The following ZNF680 variants were observed in gnomAD, a reference collection of about 807,000 sequenced individuals.
The protein encoded by ZNF680 is hypothetical protein FLJ90430.
In ZNF680, 6 loss-of-function variants were observed where a neutral mutation model predicts 12.1. That is an observed-to-expected ratio of 0.49 (90% CI 0.27 to 0.98). The LOEUF is 0.98. ZNF680 is among the 50% of genes least tolerant of loss of function. The pLI, the probability that ZNF680 is intolerant of heterozygous loss-of-function variation, is 0.12. For synonymous variants in ZNF680, 170 were observed against 199.3 expected, an observed-to-expected ratio of 0.85 and a Z score of 1.24; for missense variants, 561 against 616.3, an observed-to-expected ratio of 0.91 and a Z score of 0.95.
intron 1 of ZNF680, among the ~76,000 whole-genome samples, chr7:64,562,322 A>G (rs1398959128): frequency 6.6e-6 from 1 of 152,198 alleles, no homozygotes; most frequent in Non-Finnish European, 1.5e-5. Flanking sequence ...AACCAACTAT[A>G]AACTGCCAAG....
chr7:64,543,563 G>T, intron 3 of ZNF680, 144 bp downstream of exon 3: 1 of 638,146 alleles, frequency 1.6e-6, no homozygotes, highest in Non-Finnish European at 2.7e-6. Context: ...CTATGTGAGA[G>T]CAAGAGAAAA....
chr7:64,517,571 G>A (rs1044805023), downstream of ZNF680, among the ~76,000 whole-genome samples: 3 of 152,054 alleles, frequency 2.0e-5, no homozygotes, highest in African/African-American at 7.2e-5. Flanking sequence ...GACACGGTAA[G>A]AGGGAACCTC....
intron 3 of ZNF680, among the ~76,000 whole-genome samples, chr7:64,530,572 C>G (rs1785806997): frequency 6.6e-6 from 1 of 152,064 alleles, no homozygotes; most frequent in African/African-American, 2.4e-5. Context: ...CAAAGAGGGA[C>G]ATTATAGAAC....
the ZNF680 span, among the ~76,000 whole-genome samples, chr7:64,503,563 G>A: frequency 2.6e-5 from 4 of 151,808 alleles, no homozygotes; most frequent in Non-Finnish European, 4.4e-5. Flanking sequence ...GTATTTTTAG[G>A]AGAGATGGGG....
At chr7:64,515,040 TCACACACACACACACACACA>T (rs60936039), downstream of ZNF680, among the ~76,000 whole-genome samples, 1 of 149,078 alleles carries the variant, frequency 6.7e-6, no homozygotes, top group African/African-American at 2.5e-5. Flanking sequence ...CAAAACTCTG[TCACACACACACACACACACA>T]CACACACACA....
chr7:64,510,680 G>A, the ZNF680 span, among the ~76,000 whole-genome samples: 1 of 149,664 alleles, frequency 6.7e-6, no homozygotes, highest in African/African-American at 2.5e-5. Flanking sequence ...GGAGGCCAAG[G>A]CGGGCGGATC....
chr7:64,500,318 A>G, the ZNF680 span, among the ~76,000 whole-genome samples: 1 of 152,216 alleles, frequency 6.6e-6, no homozygotes, highest in Non-Finnish European at 1.5e-5. Context: ...GAAAAAAGAT[A>G]TAAAAACAAA....
chr7:64,531,533 C>G (rs1041698390), intron 3 of ZNF680, among the ~76,000 whole-genome samples: 2 of 143,774 alleles, frequency 1.4e-5, no homozygotes, highest in Admixed American at 7.3e-5. Flanking sequence ...GGAGGTGGAG[C>G]TTGCAGTGAG....
Position 64,522,370 on chromosome 7 carries a change from AC to A in ZNF680, c.383del (p.Ser128MetfsTer19), listed in dbSNP as rs1422887111. The A allele has an allele frequency of 6.2e-7, 1 of 1,612,162 alleles. No individual in the cohort carries two copies. The highest frequency in any genetic ancestry group is 1.3e-5 in the African/African-American group (1 of 74,858). On this transcript the variant is annotated frameshift_variant, in exon 4 of 4. Transcript: ENST00000309683. LOFTEE classifies it low-confidence loss of function (END_TRUNC). ...ENLQLRISCK[S>X]VDESKVFKEG... ...CTTTGAACACCTTAGACTCATCCAC[AC>A]TTTTACAACTTATTCTTAATTGTAA...
At chr7:64,540,790 A>G (rs1786462252) in intron 3 of ZNF680, among the ~76,000 whole-genome samples, 1 of 152,210 alleles carries the variant, frequency 6.6e-6, no homozygotes, top group South Asian at 2.1e-4. Context: ...GCTTTGCAAT[A>G]TTTATGTGCC....
intron 1 of ZNF680, chr7:64,551,753 A>C (rs1787090580): frequency 6.5e-6 from 1 of 153,962 alleles, no homozygotes; most frequent in Non-Finnish European, 1.5e-5. Flanking sequence ...AAAGCATTGG[A>C]GAGAAAAACA....
the ZNF680 span, among the ~76,000 whole-genome samples, chr7:64,508,140 T>TATATATATATATATATATATATATAC: frequency 1.5e-5 from 2 of 134,826 alleles, no homozygotes; most frequent in East Asian, 2.2e-4. Flanking sequence ...TATATATATA[T>TATATATATATATATATATATATATAC]ATACATAATT....
At position 64,549,271 on chromosome 7, in the gene ZNF680, G is replaced by A. The variant is rs1039982781; in HGVS notation, c.31-4839C>T. ...ACAGGTAGATACAGCTGTGGTCATG[G>A]CTTTGGATACTCTGTGGCCTTGCTC... On this transcript the variant is annotated intron_variant, in intron 1 of 3. Transcript: ENST00000309683. 3.9e-5 allele frequency among the ~76,000 whole-genome samples: 6 copies of A among 152,152 alleles called. No homozygotes were observed. In the East Asian group the frequency reaches 5.8e-4, roughly 15 times the overall value.
intron 3 of ZNF680, among the ~76,000 whole-genome samples, chr7:64,543,335 C>T (rs921499838): frequency 7.2e-5 from 11 of 152,108 alleles, no homozygotes; most frequent in Admixed American, 2.6e-4. Context: ...CCACTAATCA[C>T]ACACATTTCA....
chr7:64,525,272 G>A (rs1257338146), intron 3 of ZNF680: 2 of 152,128 alleles, frequency 1.3e-5, no homozygotes, highest in African/African-American at 2.4e-5. Context: ...TTGCATACCT[G>A]TAATTATTGC....
At chr7:64,502,962 T>G in the ZNF680 span, among the ~76,000 whole-genome samples, 25 of 152,322 alleles carry the variant, frequency 1.6e-4, no homozygotes, top group Non-Finnish European at 3.1e-4. Flanking sequence ...CTAGGTCTAG[T>G]TGAATCTGCT....
chr7:64,518,696 A>G (rs1230839448), downstream of ZNF680, among the ~76,000 whole-genome samples: 2 of 152,102 alleles, frequency 1.3e-5, no homozygotes, highest in African/African-American at 4.8e-5. Context: ...CCAAATACTT[A>G]CAGCCAACAG....
At chr7:64,545,085 C>T (rs2116495987) in intron 1 of ZNF680, among the ~76,000 whole-genome samples, 1 of 151,890 alleles carries the variant, frequency 6.6e-6, no homozygotes, top group East Asian at 1.9e-4. Context: ...ATGGCGAAAC[C>T]CCATCTCTAC....
chr7:64,503,466 T>A, the ZNF680 span, among the ~76,000 whole-genome samples: 1 of 147,030 alleles, frequency 6.8e-6, no homozygotes, highest in Non-Finnish European at 1.5e-5. Context: ...CTGTAACCTC[T>A]GCCTCCTGGG....
Sources: gnomAD v4.1 joint callset for allele counts (sites outside exome capture counted in the v4.1 genomes callset) on GRCh38, gnomAD v4.1.1 for gene constraint, MANE v1.5 for transcripts, NCBI Gene and HGNC (gene_info 2026-07-23, HGNC 2026-07-21) for gene names.